Variants in PTCHD4 observed in about 807,000 individuals in gnomAD.
The protein encoded by PTCHD4 is patched domain-containing protein 4.
A neutral mutation model predicts 58.1 loss-of-function variants in PTCHD4; 33 were observed. The ratio of observed to expected loss-of-function variants is 0.57; its 90% CI spans 0.43 to 0.76. PTCHD4 has a LOEUF of 0.76. PTCHD4 is among the 30% of genes least tolerant of loss of function. The pLI is 0.00. For missense variants in PTCHD4, 1,058 were observed against 1,027.1 expected (o/e 1.03, Z -0.41); for synonymous variants, 478 against 409.6 (o/e 1.17, Z -2.02).
chr6:47,990,771 A>C (rs1227543235), intron 4 of PTCHD4, among the ~76,000 whole-genome samples: 1 of 152,242 alleles, frequency 6.6e-6, no homozygotes, highest in African/African-American at 2.4e-5. Flanking sequence ...ATCTTGAAAA[A>C]GTATCTTCAG....
intron 4 of PTCHD4, among the ~76,000 whole-genome samples, chr6:47,891,427 C>A (rs2114126027): frequency 6.6e-6 from 1 of 151,852 alleles, no homozygotes; most frequent in South Asian, 2.1e-4. Context: ...AAACGAGACC[C>A]CTCCATAATC....
At chr6:48,054,358 A>G (rs1289991672) in intron 3 of PTCHD4, among the ~76,000 whole-genome samples, 1 of 152,124 alleles carries the variant, frequency 6.6e-6, no homozygotes, top group East Asian at 1.9e-4. Context: ...ATTTCTATCC[A>G]AGGTTTTTCT....
chr6:48,014,223 C>T (rs1382093556), intron 3 of PTCHD4, among the ~76,000 whole-genome samples: 1 of 152,062 alleles, frequency 6.6e-6, no homozygotes, highest in African/African-American at 2.4e-5. Flanking sequence ...CTGCAGTTGG[C>T]CCAAAAATCC....
At chr6:47,911,469 C>G (rs181755521) in intron 4 of PTCHD4, among the ~76,000 whole-genome samples, 2 of 152,216 alleles carry the variant, frequency 1.3e-5, no homozygotes, top group East Asian at 3.9e-4. Context: ...CTTTACATCA[C>G]AAGTCTTCTT....
chr6:47,977,493 T>G (rs918113067), intron 4 of PTCHD4, among the ~76,000 whole-genome samples: 1 of 152,196 alleles, frequency 6.6e-6, no homozygotes, highest in Non-Finnish European at 1.5e-5. Context: ...TGCAAGGAAC[T>G]GAACCCTGTC....
intron 4 of PTCHD4, chr6:47,899,506 A>G (rs1764631724): frequency 2.5e-6 from 2 of 804,668 alleles, no homozygotes; most frequent in Non-Finnish European, 1.5e-6. Context: ...AGGGACAGAA[A>G]ATGAGTCTAG....
intron 3 of PTCHD4, among the ~76,000 whole-genome samples, chr6:48,021,334 G>A (rs560826221): frequency 3.3e-4 from 50 of 152,110 alleles, no homozygotes; most frequent in African/African-American, 1.2e-3. Context: ...CTTAACTCCT[G>A]AGCTGATCTG....
In PTCHD4 at chr6:47,913,716, T is replaced by C. The variant is rs540227459; in HGVS notation, c.899-33780A>G. On this transcript the variant is annotated intron_variant, in intron 4 of 4. Transcript: ENST00000339488. Reference sequence around the variant, plus strand: ...CAAATTATTTTCTAACCACTTCTCATTTCAAGGCTCCAGTTATTTCAAAGA... The same window carrying C: ...CAAATTATTTTCTAACCACTTCTCACTTCAAGGCTCCAGTTATTTCAAAGA... Among the ~76,000 whole-genome samples the C allele has an allele frequency of 2.6e-5, 4 of 152,242 alleles. No individual in the cohort carries two copies. In the South Asian group the frequency reaches 8.3e-4, roughly 32 times the overall value.
At chr6:47,906,440 G>T (rs948420011) in intron 4 of PTCHD4, among the ~76,000 whole-genome samples, 2 of 152,024 alleles carry the variant, frequency 1.3e-5, no homozygotes, top group African/African-American at 2.4e-5. Context: ...AACTTTACTC[G>T]CATTCAAGAG....
chr6:48,017,372 T>G (rs951130236), intron 3 of PTCHD4, among the ~76,000 whole-genome samples: 1 of 152,120 alleles, frequency 6.6e-6, no homozygotes, highest in Non-Finnish European at 1.5e-5. Flanking sequence ...AAATAAGTAA[T>G]AAATTCAATT....
At chr6:48,026,957 T>C (rs562718850) in intron 3 of PTCHD4, among the ~76,000 whole-genome samples, 155 of 149,774 alleles carry the variant, frequency 1.0e-3, no homozygotes, top group Non-Finnish European at 1.9e-3. Context: ...GATAAAAAAG[T>C]AAAGTGGAGA....
intron 4 of PTCHD4, among the ~76,000 whole-genome samples, chr6:47,897,417 C>A (rs1764559189): frequency 6.6e-6 from 1 of 152,202 alleles, no homozygotes; most frequent in Non-Finnish European, 1.5e-5. Flanking sequence ...CAGTCCTGGA[C>A]TTGTTTTGTA....
intron 4 of PTCHD4, among the ~76,000 whole-genome samples, chr6:47,935,021 T>C (rs922809220): frequency 2.0e-5 from 3 of 152,198 alleles, no homozygotes; most frequent in Admixed American, 6.5e-5. Context: ...AAATATCTTA[T>C]GTTACTTGTT....
intron 3 of PTCHD4, among the ~76,000 whole-genome samples, chr6:48,064,110 G>A: frequency 6.6e-6 from 1 of 152,154 alleles, no homozygotes; most frequent in East Asian, 1.9e-4. Context: ...GGCATATAAT[G>A]GGAATGGCAG....
chr6:48,050,660 G>C (rs1041415815), intron 3 of PTCHD4, among the ~76,000 whole-genome samples: 1 of 151,974 alleles, frequency 6.6e-6, no homozygotes, highest in Non-Finnish European at 1.5e-5. Context: ...AAATGACATG[G>C]AGCATTTGGT....
chr6:48,085,222 G>A (rs1273457807), intron 1 of PTCHD4, among the ~76,000 whole-genome samples: 1 of 151,838 alleles, frequency 6.6e-6, no homozygotes, highest in Non-Finnish European at 1.5e-5. Context: ...CATAGCAAGG[G>A]GTTTAAATAC....
intron 4 of PTCHD4, among the ~76,000 whole-genome samples, chr6:47,914,744 T>TTATCTATCTATC (rs148847302): frequency 2.1e-4 from 24 of 116,282 alleles, no homozygotes; most frequent in Non-Finnish European, 2.9e-4. Context: ...TATCTATCTA[T>TTATCTATCTATC]TATCTATCTA....
Position 48,091,948 on chromosome 6 carries a change from T to G in PTCHD4, c.-970+19101A>C, listed in dbSNP as rs183816689. Among the ~76,000 whole-genome samples the G allele has an allele frequency of 1.5e-4, 23 of 151,588 alleles. No homozygotes were observed. In the East Asian group the frequency reaches 4.5e-3, roughly 29 times the overall value. On this transcript the variant is annotated intron_variant, in intron 1 of 4. Coordinates refer to ENST00000339488, the MANE Select transcript of PTCHD4 (RefSeq NM_001384253.1). Reference sequence around the variant, plus strand: ...TACAGGCATGAGCCACCACGAGAAATTCTATTTTCTAAGATGCCCAGATTA... The same window carrying G: ...TACAGGCATGAGCCACCACGAGAAAGTCTATTTTCTAAGATGCCCAGATTA...
At chr6:48,073,308 G>C (rs2113886256) in intron 1 of PTCHD4, among the ~76,000 whole-genome samples, 1 of 152,308 alleles carries the variant, frequency 6.6e-6, no homozygotes, top group African/African-American at 2.4e-5. Flanking sequence ...TGAGACACCA[G>C]AGAAAACTGG....
Sources: allele counts gnomAD v4.1 joint callset (sites outside exome capture counted in the v4.1 genomes callset), GRCh38; gene constraint gnomAD v4.1.1; transcripts MANE v1.5; gene names NCBI Gene and HGNC (gene_info 2026-07-23, HGNC 2026-07-21).